Variants in FOSL1 observed in about 807,000 individuals in gnomAD.
FOSL1 encodes the protein FOS like 1, AP-1 transcription factor subunit, also known as fos-related antigen 1.
In FOSL1, 14 loss-of-function variants were observed where a neutral mutation model predicts 24.9. The ratio of observed to expected loss-of-function variants is 0.56; its 90% CI spans 0.37 to 0.88. FOSL1 has a LOEUF of 0.88. FOSL1 is among the 40% of genes least tolerant of loss of function. The pLI, the probability that FOSL1 is intolerant of heterozygous loss-of-function variation, is 0.00. For missense variants in FOSL1, 318 were observed against 359.8 expected (o/e 0.88, Z 0.94); for synonymous variants, 133 against 145.1 (o/e 0.92, Z 0.60).
At chr11:65,897,259 G>T (rs1448548337) in intron 1 of FOSL1, among the ~76,000 whole-genome samples, 1 of 151,992 alleles carries the variant, frequency 6.6e-6, no homozygotes, top group Non-Finnish European at 1.5e-5. Flanking sequence ...AGCACAAACT[G>T]CCAGGAACTG....
chr11:65,897,402 C>T (rs1262588052), intron 1 of FOSL1, among the ~76,000 whole-genome samples: 3 of 149,780 alleles, frequency 2.0e-5, no homozygotes, highest in African/African-American at 4.9e-5. Context: ...TGTAGTGGCA[C>T]GATCTCAGCT....
chr11:65,894,324 G>C (rs1034208741), intron 2 of FOSL1, among the ~76,000 whole-genome samples: 4 of 152,128 alleles, frequency 2.6e-5, no homozygotes, highest in African/African-American at 4.8e-5. Context: ...CTCGCACCTA[G>C]CTTTAGTGCA....
In FOSL1 at chr11:65,893,663, C is replaced by T. The variant is rs112993601; in HGVS notation, c.405+351G>A. 2.0e-5 allele frequency among the ~76,000 whole-genome samples: 3 copies of T among 151,730 alleles called. No homozygotes were observed. In the East Asian group the frequency reaches 5.8e-4, roughly 29 times the overall value. ...AAAATTAGTCGGGTAGGGAGGCAGGCGCCTGTAGCCCCAGGTACTCAGCAG... is the reference window on the plus strand; with the variant it reads ...AAAATTAGTCGGGTAGGGAGGCAGGTGCCTGTAGCCCCAGGTACTCAGCAG... On this transcript the variant is annotated intron_variant, in intron 3 of 3. Coordinates refer to ENST00000312562, the MANE Select transcript of FOSL1 (RefSeq NM_005438.5).
chr11:65,894,134 C>A lies in FOSL1; in HGVS notation c.298-13G>T. ...CCTCCGGGCTGATCTGGGGGTGAGA[C>A]CCGCAGTGAGGAGGACCCTGGGCTA... On this transcript the variant is annotated splice_polypyrimidine_tract_variant and intron_variant, in intron 2 of 3. Coordinates refer to ENST00000312562, the MANE Select transcript of FOSL1 (RefSeq NM_005438.5). 6.3e-7 allele frequency: 1 copy of A among 1,587,750 alleles called. No homozygotes were observed. Among genetic ancestry groups the A allele is most frequent in the Non-Finnish European group, 8.6e-7 (1 of 1,169,128 alleles).
At chr11:65,895,283 C>T (rs533840514) in intron 2 of FOSL1, among the ~76,000 whole-genome samples, 63 of 152,112 alleles carry the variant, frequency 4.1e-4, no homozygotes, top group African/African-American at 1.2e-3. Flanking sequence ...TCCACCACGC[C>T]CAGCTAATTT....
rs1455755938 is a variant in FOSL1 at position 65,896,885 on chromosome 11, CT to C, written c.220del (p.Ser74AlafsTer37). 1.9e-6 allele frequency: 3 copies of C among 1,613,816 alleles called. No homozygotes were observed. Among genetic ancestry groups the C allele is most frequent in the Non-Finnish European group, 2.5e-6 (3 of 1,179,862 alleles). On this transcript the variant is annotated frameshift_variant, in exon 2 of 4. Coordinates refer to ENST00000312562, the MANE Select transcript of FOSL1 (RefSeq NM_005438.5). LOFTEE classifies it high-confidence loss of function. ...GACTCCTGGCCGGGGTTGTGGGGGG[CT>C]GTACTGAGGGTAGGTCAGAGGCCTG... ...YPRPLTYPQYSPPQPRPGVIR... is the reference protein window; with the variant it reads ...YPRPLTYPQYXPPQPRPGVIR...
chr11:65,894,186 G>C (rs1435150013), intron 2 of FOSL1, 65 bp from the exon 3 acceptor site: 1 of 1,205,910 alleles, frequency 8.3e-7, no homozygotes, highest in African/African-American at 1.5e-5. Flanking sequence ...CGCCCCTCAT[G>C]GTGGCCCAGT....
rs759845101 is a variant in FOSL1, at chr11:65,892,845, T to TTG, written c.*39_*40dup. On this transcript the variant is annotated 3_prime_UTR_variant, in exon 4 of 4. Transcript: ENST00000312562. ...ACCGGTGGGGGAAGGGGAGGAGACA[T>TTG]TGGCTAGGGTGGCATCTGCAGGGAG... The TTG allele has an allele frequency of 4.4e-6, 7 of 1,595,260 alleles. No homozygotes were observed. The highest frequency in any genetic ancestry group is 5.1e-6 in the Non-Finnish European group (6 of 1,172,180).
chr11:65,892,700 G>A lies in FOSL1; in HGVS notation c.*186C>T, dbSNP rs1228619751. On this transcript the variant is annotated 3_prime_UTR_variant, in exon 4 of 4. Transcript: ENST00000312562. The stretch of plus-strand genomic sequence containing the variant: ...TAGAGAGGCCAGCTCAAGAGAAACA[G>A]TGGGCAGCTTTGGTGGCCCCAAGCT... The A allele has an allele frequency of 1.1e-5, 8 of 706,278 alleles. No individual in the cohort carries two copies. Among genetic ancestry groups the A allele is most frequent in the Non-Finnish European group, 2.1e-5 (8 of 390,104 alleles). 43.8% of individuals were successfully genotyped at this position (706,278 alleles called of 1,614,324 possible).
rs1237818973 is a variant in FOSL1, at chr11:65,892,399, C to G, written c.*487G>C. ...AGCCAAGGGCGCCTCCTGAGCTGTG[C>G]GGTTCAGGAGGGGGCGGCAGAATGG... is the stretch of plus-strand genomic sequence containing the variant. On this transcript the variant is annotated 3_prime_UTR_variant, in exon 4 of 4. Coordinates refer to ENST00000312562, the MANE Select transcript of FOSL1 (RefSeq NM_005438.5). 2 of 353,350 alleles carry G rather than the reference C, an allele frequency of 5.7e-6. No homozygotes were observed. The highest frequency in any genetic ancestry group is 4.3e-5 in the African/African-American group (2 of 46,638). The allele number at this position is 353,350 out of a possible 1,614,324, so 21.9% of individuals were successfully genotyped here. A position where few individuals can be genotyped will look rare whatever the true frequency, so the allele number is the denominator to read the frequency against.
At chr11:65,895,158 C>G (rs549025964) in intron 2 of FOSL1, among the ~76,000 whole-genome samples, 9 of 132,728 alleles carry the variant, frequency 6.8e-5, no homozygotes, top group African/African-American at 2.5e-4. Flanking sequence ...GAGTCTCACT[C>G]TGTTGCCCAG....
intron 2 of FOSL1, among the ~76,000 whole-genome samples, chr11:65,895,248 C>A (rs78163657): frequency 6.6e-6 from 1 of 151,840 alleles, no homozygotes; most frequent in South Asian, 2.1e-4. Context: ...CTCAGCCTCC[C>A]GAGTAGCTGC....
intron 1 of FOSL1, 113 bp from the exon 2 acceptor site, chr11:65,897,119 C>T: frequency 1.3e-6 from 1 of 779,380 alleles, no homozygotes; most frequent in Non-Finnish European, 2.1e-6. Flanking sequence ...GCTCTGGGAA[C>T]AGAAAGAGCA....
intron 2 of FOSL1, among the ~76,000 whole-genome samples, chr11:65,894,893 G>A (rs1860484240): frequency 6.6e-6 from 1 of 151,902 alleles, no homozygotes; most frequent in East Asian, 1.9e-4. Context: ...TTAACCTCAG[G>A]TGATCCACCC....
rs1377079899 is a variant in FOSL1, at chr11:65,896,845, C to T, written c.261G>A (p.Gly87=). Residue 87 remains glycine (G), a synonymous_variant, in exon 2 of 4, where the codon GGG becomes GGA. Transcript: ENST00000312562. The part of the protein sequence containing the change: ...QPRPGVIRAL[G]PPPGVRRRPC... ...GCCTTCGACGTACCCCTGGAGGCGG[C>T]CCCAGGGCCCGGATGACTCCTGGCC... 6.2e-7 allele frequency: 1 copy of T among 1,611,964 alleles called. No individual in the cohort carries two copies. The highest frequency in any genetic ancestry group is 2.2e-5 in the East Asian group (1 of 44,826).
Position 65,896,912 on chromosome 11 carries a change from G to A in FOSL1, c.194C>T (p.Pro65Leu), listed in dbSNP as rs1304050057. ...GTACTGAGGGTAGGTCAGAGGCCTG[G>A]GGTAACTGCTGGGCCCCAGGAAATG... ...QPHFLGPSSY[P>L]RPLTYPQYSP... Residue 65 changes from proline (P) to leucine (L), a missense_variant, in exon 2 of 4, where the codon CCC (proline) becomes CTC (leucine). By Grantham distance (98) the Pro-to-Leu change is moderately conservative (BLOSUM62 -3). Coordinates refer to ENST00000312562, the MANE Select transcript of FOSL1 (RefSeq NM_005438.5). The A allele has an allele frequency of 3.1e-6, 5 of 1,613,988 alleles. No homozygotes were observed. In the Admixed American group the frequency reaches 6.7e-5, roughly 22 times the overall value.
Position 65,900,349 on chromosome 11 carries a change from T to TG in FOSL1, c.-11dup, listed in dbSNP as rs1860645499. Reference sequence around the variant, plus strand: ...CGAAGTCTCGGAACATGCCCGGGGCTGGCGGCTCTGCGGGGTACACGGCTG... The same window carrying TG: ...CGAAGTCTCGGAACATGCCCGGGGCTGGGCGGCTCTGCGGGGTACACGGCTG... On this transcript the variant is annotated 5_prime_UTR_variant, in exon 1 of 4. Transcript: ENST00000312562. The TG allele has an allele frequency of 4.1e-6, 5 of 1,229,184 alleles. No individual in the cohort carries two copies. The highest frequency in any genetic ancestry group is 5.1e-6 in the Non-Finnish European group (5 of 983,004). The allele number at this position is 1,229,184 out of a possible 1,614,324, so 76.1% of individuals were successfully genotyped here.
intron 1 of FOSL1, among the ~76,000 whole-genome samples, chr11:65,898,588 G>C (rs1051225860): frequency 3.3e-5 from 5 of 152,140 alleles, no homozygotes; most frequent in Admixed American, 3.3e-4. Context: ...TTTTAATATT[G>C]TTACAGGTGA....
Position 65,893,235 on chromosome 11 carries a change from T to C in FOSL1, c.467A>G (p.Lys156Arg), listed in dbSNP as rs139714029. The change falls in exon 4 of 4, where the codon AAG (lysine) becomes AGG (arginine). Residue 156 changes from lysine to arginine, a missense_variant. Transcript: ENST00000312562. The stretch of plus-strand genomic sequence containing the variant: ...CACCAGCTCTAGGCGCTCCTTCTGC[T>C]TCTGCAGCTCCTCAATCTCTCGCTG... The part of the protein sequence containing the change: ...GLQREIEELQ[K>R]QKERLELVLE... 6.2e-7 allele frequency: 1 copy of C among 1,613,884 alleles called. No individual in the cohort carries two copies. Among genetic ancestry groups the C allele is most frequent in the Non-Finnish European group, 8.5e-7 (1 of 1,179,986 alleles).
Sources: gnomAD v4.1 joint callset for allele counts (sites outside exome capture counted in the v4.1 genomes callset) on GRCh38, gnomAD v4.1.1 for gene constraint, MANE v1.5 for transcripts, NCBI Gene and HGNC (gene_info 2026-07-23, HGNC 2026-07-21) for gene names.